The following SATB2 variants were observed in gnomAD, a reference collection of about 807,000 sequenced individuals.
SATB2 encodes SATB homeobox 2.
SATB2 carries 1 observed loss-of-function variant against 73.4 expected under a neutral mutation model. The observed-to-expected ratio is 0.01, with a 90% CI of 0.00 to 0.06. SATB2 has a LOEUF of 0.06. Among genes scored for constraint, SATB2 ranks in the 10% least tolerant of loss-of-function variants. SATB2 has a pLI of 1.00. For synonymous variants in SATB2, 397 were observed against 367.0 expected (o/e 1.08, Z -0.93); for missense variants, 459 against 945.8 (o/e 0.49, Z 6.75).
chr2:199,427,271 G>T (rs1691364732), intron 3 of SATB2, among the ~76,000 whole-genome samples: 1 of 151,992 alleles, frequency 6.6e-6, no homozygotes, highest in African/African-American at 2.4e-5. Flanking sequence ...AATTAAAGCA[G>T]CAAACCTAAG....
chr2:199,374,790 C>T (rs996270364), intron 5 of SATB2, among the ~76,000 whole-genome samples: 10 of 151,970 alleles, frequency 6.6e-5, no homozygotes, highest in Non-Finnish European at 1.0e-4. Flanking sequence ...ATGGTGAAAC[C>T]TCATCTCTAC....
chr2:199,418,846 T>C (rs1396421530), intron 3 of SATB2, among the ~76,000 whole-genome samples: 1 of 152,136 alleles, frequency 6.6e-6, no homozygotes. Flanking sequence ...ACGGAGTTCC[T>C]TTTTTCCCTC....
intron 9 of SATB2, among the ~76,000 whole-genome samples, chr2:199,313,833 T>C (rs1041635103): frequency 1.3e-5 from 2 of 152,198 alleles, no homozygotes; most frequent in Non-Finnish European, 2.9e-5. Flanking sequence ...AGAACATTAC[T>C]AGAGGCAACA....
chr2:199,331,296 A>G (rs1047218195), intron 7 of SATB2, among the ~76,000 whole-genome samples: 2 of 152,034 alleles, frequency 1.3e-5, no homozygotes, highest in Non-Finnish European at 2.9e-5. Context: ...AGGGAAATTA[A>G]TCCATCTCCA....
intron 7 of SATB2, among the ~76,000 whole-genome samples, chr2:199,341,796 C>CTA (rs1688513392): frequency 6.6e-6 from 1 of 152,166 alleles, no homozygotes; most frequent in Admixed American, 6.6e-5. Flanking sequence ...TGGCGTGGAC[C>CTA]TATAATCTGG....
intron 6 of SATB2, among the ~76,000 whole-genome samples, chr2:199,351,297 G>T (rs948630687): frequency 6.6e-6 from 1 of 151,788 alleles, no homozygotes; most frequent in Non-Finnish European, 1.5e-5. Context: ...AAGTAACTGG[G>T]ATTACTGGCA....
At chr2:199,443,021 A>ATTTTTTTTTTTTTTTTTTTTTTTT (rs10673737) in intron 2 of SATB2, among the ~76,000 whole-genome samples, 3 of 133,588 alleles carry the variant, frequency 2.2e-5, no homozygotes, top group African/African-American at 8.3e-5. Context: ...GTTTCTGAGA[A>ATTTTTTTTTTTTTTTTTTTTTTTT]TTTTTTTTTT....
intron 7 of SATB2, among the ~76,000 whole-genome samples, chr2:199,338,384 G>C (rs1336842077): frequency 1.4e-5 from 2 of 146,248 alleles, no homozygotes; most frequent in African/African-American, 5.1e-5. Context: ...AAACAAACAA[G>C]AAAAAAAAAA....
intron 2 of SATB2, among the ~76,000 whole-genome samples, chr2:199,437,574 T>C (rs887640377): frequency 1.3e-5 from 2 of 152,228 alleles, no homozygotes; most frequent in Non-Finnish European, 2.9e-5. Flanking sequence ...GGTCAAGTCC[T>C]GGCACTGTCC....
chr2:199,455,606 C>T lies in SATB2; in HGVS notation c.169+263G>A, dbSNP rs1169248739. 6.6e-6 allele frequency among the ~76,000 whole-genome samples: 1 copy of T among 152,238 alleles called. No individual in the cohort carries two copies. The highest frequency in any genetic ancestry group is 2.4e-5 in the African/African-American group (1 of 41,466). On this transcript the variant is annotated intron_variant, in intron 2 of 10. Transcript: ENST00000417098. The surrounding 1 kb of genome is among the most constrained non-coding windows in gnomAD (Gnocchi z 4.1). ...GGAAAATCTAGAAACAGTTAGCTGG[C>T]TGTGACATAAACCTGCCAACACCTC...
intron 10 of SATB2, among the ~76,000 whole-genome samples, chr2:199,289,724 G>A (rs985655760): frequency 2.0e-5 from 3 of 152,100 alleles, no homozygotes; most frequent in African/African-American, 7.2e-5. Flanking sequence ...CTCTTGATTG[G>A]TGCTCCAAGA....
At chr2:199,468,563 G>A (rs764795258), upstream of SATB2, among the ~76,000 whole-genome samples, 9 of 152,206 alleles carry the variant, frequency 5.9e-5, no homozygotes, top group Non-Finnish European at 8.8e-5. Context: ...GAGAGAGCTG[G>A]GCTGGTGCAG....
chr2:199,372,784 A>G (rs1349549626), intron 5 of SATB2, among the ~76,000 whole-genome samples: 1 of 152,246 alleles, frequency 6.6e-6, no homozygotes, highest in African/African-American at 2.4e-5. Context: ...AAAGGAAAAC[A>G]TGAAGCTGTG....
intron 3 of SATB2, among the ~76,000 whole-genome samples, chr2:199,392,073 G>C (rs1049153464): frequency 2.0e-5 from 3 of 152,080 alleles, no homozygotes; most frequent in African/African-American, 7.2e-5. Flanking sequence ...GAGCAGTCAC[G>C]GGCCTCATCC....
intron 6 of SATB2, among the ~76,000 whole-genome samples, chr2:199,355,637 C>A (rs1688959771): frequency 6.6e-6 from 1 of 151,948 alleles, no homozygotes; most frequent in South Asian, 2.1e-4. Context: ...GATGAGTGAT[C>A]TGAGGATTAT....
rs372140023 is a variant in SATB2, at chr2:199,308,587, CAT to C, written c.1740+171_1740+172del. 5.1e-4 allele frequency among the ~76,000 whole-genome samples: 77 copies of C among 150,024 alleles called. No homozygotes were observed. The highest frequency in any genetic ancestry group is 3.5e-3 in the Middle Eastern group (1 of 288). ...ACGCACGCACATGCACACACACACA[CAT>C]ACACATACACACAGTACCCACTGTG... On this transcript the variant is annotated intron_variant, in intron 10 of 10. Coordinates refer to ENST00000417098, the MANE Select transcript of SATB2 (RefSeq NM_001172509.2). The surrounding 1 kb of genome is among the most constrained non-coding windows in gnomAD (Gnocchi z 4.6).
At chr2:199,392,352 T>C (rs948794611) in intron 3 of SATB2, among the ~76,000 whole-genome samples, 3 of 152,084 alleles carry the variant, frequency 2.0e-5, no homozygotes, top group Middle Eastern at 6.8e-3. Flanking sequence ...AGGTGCACTG[T>C]AACTGTGTTT....
At position 199,457,136 on chromosome 2, in the gene SATB2, G is replaced by A. The variant is rs1019291502; in HGVS notation, c.-60+203C>T. On this transcript the variant is annotated intron_variant, in intron 1 of 10. Coordinates refer to ENST00000417098, the MANE Select transcript of SATB2 (RefSeq NM_001172509.2). The surrounding 1 kb of genome is among the most constrained non-coding windows in gnomAD (Gnocchi z 4.8). ...CAGTGTCGGCGCCACGGGTCAAGGA[G>A]ACAAGGTGGGGGTGGCAGGGGGAGG... Among the ~76,000 whole-genome samples, 1 of 152,216 alleles carries A rather than the reference G, an allele frequency of 6.6e-6. No individual in the cohort carries two copies. The highest frequency in any genetic ancestry group is 2.4e-5 in the African/African-American group (1 of 41,466).
At position 199,308,566 on chromosome 2, in the gene SATB2, A is replaced by C; in HGVS notation, c.1740+194T>G. Among the ~76,000 whole-genome samples the C allele has an allele frequency of 6.6e-6, 1 of 151,290 alleles. No individual in the cohort carries two copies. ...TGTGTGCATACACACACACACACGC[A>C]CGCACATGCACACACACACACATAC... On this transcript the variant is annotated intron_variant, in intron 10 of 10. Coordinates refer to ENST00000417098, the MANE Select transcript of SATB2 (RefSeq NM_001172509.2). This position sits in a 1 kb window ranked among gnomAD's most constrained non-coding sequence, Gnocchi z 4.6.
Sources: gnomAD v4.1 joint callset for allele counts (sites outside exome capture counted in the v4.1 genomes callset) on GRCh38, gnomAD v4.1.1 for gene constraint, Gnocchi (gnomAD v3.1) non-coding constraint, MANE v1.5 for transcripts, NCBI Gene and HGNC (gene_info 2026-07-23, HGNC 2026-07-21) for gene names.